The following PINX1 variants were observed in gnomAD, a reference collection of about 807,000 sequenced individuals.
PINX1 encodes the protein PIN2 (TERF1) interacting telomerase inhibitor 1, also known as PIN2/TERF1-interacting telomerase inhibitor 1.
Under a neutral mutation model 25.4 loss-of-function variants are expected in PINX1, and 34 were observed. That is an observed-to-expected ratio of 1.34 (90% confidence interval 1.02 to 1.78). PINX1 has a LOEUF of 1.78. PINX1 is among the 40% of genes most tolerant of loss of function. The pLI is 0.00. For synonymous variants in PINX1, 197 were observed against 147.7 expected (o/e 1.33, Z -2.42); for missense variants, 592 against 404.9 (o/e 1.46, Z -3.97).
intron 6 of PINX1, among the ~76,000 whole-genome samples, chr8:10,766,175 A>T (rs1191928398): frequency 6.6e-6 from 1 of 152,180 alleles, no homozygotes; most frequent in Non-Finnish European, 1.5e-5. Flanking sequence ...GTGGTAGATG[A>T]CAGGCAGAAG....
At chr8:10,781,283 G>T (rs934808211) in intron 6 of PINX1, among the ~76,000 whole-genome samples, 3 of 152,142 alleles carry the variant, frequency 2.0e-5, no homozygotes, top group Admixed American at 2.0e-4. Flanking sequence ...CCTTGACACT[G>T]CTTTTGGCAA....
intron 6 of PINX1, among the ~76,000 whole-genome samples, chr8:10,802,275 G>C (rs1442205273): frequency 6.6e-6 from 1 of 152,198 alleles, no homozygotes; most frequent in African/African-American, 2.4e-5. Flanking sequence ...CGCACCTGGG[G>C]AACAATTGCC....
At chr8:10,783,535 C>G (rs551466771) in intron 6 of PINX1, among the ~76,000 whole-genome samples, 4 of 152,328 alleles carry the variant, frequency 2.6e-5, no homozygotes, top group African/African-American at 9.6e-5. Flanking sequence ...CTTCCTTGAT[C>G]TCTGCAAGCT....
chr8:10,765,549 T>C lies in PINX1; in HGVS notation c.839A>G (p.His280Arg), dbSNP rs754844056. Residue 280 changes from histidine to arginine, a missense_variant, in exon 7 of 7, where the codon CAT (histidine) becomes CGT (arginine). Coordinates refer to ENST00000314787, the MANE Select transcript of PINX1 (RefSeq NM_017884.6). ...GTCCCGGCCCTCAGGCGGCTGCACA[T>C]GGTCCCCTGCATCCTGAGCAGAGGC... ...SKASAQDAGD[H>R]VQPPEGRDFT... The C allele has an allele frequency of 5.6e-6, 9 of 1,613,788 alleles. No homozygotes were observed. The South Asian group carries it at 7.7e-5, about 14-fold the overall frequency.
At position 10,820,186 on chromosome 8, in the gene PINX1, T is replaced by C; in HGVS notation, c.471+7A>G. The C allele has an allele frequency of 6.3e-7, 1 of 1,587,490 alleles. No homozygotes were observed. Among genetic ancestry groups the C allele is most frequent in the Non-Finnish European group, 8.6e-7 (1 of 1,156,102 alleles). On this transcript the variant is annotated splice_region_variant and intron_variant, in intron 6 of 6. Coordinates refer to ENST00000314787, the MANE Select transcript of PINX1 (RefSeq NM_017884.6). The stretch of plus-strand genomic sequence containing the variant: ...GCGGAACACGGAAACTGTACGTGGC[T>C]TTATACCTCGGGAGTCTTCTTACTC...
intron 6 of PINX1, among the ~76,000 whole-genome samples, chr8:10,815,658 C>T (rs1412941529): frequency 6.6e-6 from 1 of 152,092 alleles, no homozygotes; most frequent in Non-Finnish European, 1.5e-5. Context: ...GTGAGTGTAC[C>T]CTGAGATACT....
intron 6 of PINX1, among the ~76,000 whole-genome samples, chr8:10,777,467 G>C (rs561927387): frequency 6.6e-6 from 1 of 152,146 alleles, no homozygotes; most frequent in Non-Finnish European, 1.5e-5. Flanking sequence ...TTCTGTCCTC[G>C]GCACCTTATC....
chr8:10,824,765 G>C (rs752212559), intron 5 of PINX1, among the ~76,000 whole-genome samples: 1 of 152,196 alleles, frequency 6.6e-6, no homozygotes, highest in African/African-American at 2.4e-5. Flanking sequence ...CACATCATCC[G>C]AAAGTTACAG....
At chr8:10,783,167 T>C (rs1253661879) in intron 6 of PINX1, among the ~76,000 whole-genome samples, 1 of 152,250 alleles carries the variant, frequency 6.6e-6, no homozygotes, top group Non-Finnish European at 1.5e-5. Context: ...ATGACATTTA[T>C]GAACATTGAG....
At chr8:10,825,499 T>A (rs1210997359) in intron 5 of PINX1, 3 of 531,760 alleles carry the variant, frequency 5.6e-6, no homozygotes, top group Non-Finnish European at 1.2e-5. Flanking sequence ...TTCTTTCCAA[T>A]GCAAGATCGC....
chr8:10,798,869 C>T (rs1293333779), intron 6 of PINX1, among the ~76,000 whole-genome samples: 1 of 152,208 alleles, frequency 6.6e-6, no homozygotes, highest in Non-Finnish European at 1.5e-5. Flanking sequence ...GTGATTCTGC[C>T]AGCTTAGAAC....
At chr8:10,799,343 T>C (rs1433189858) in intron 6 of PINX1, among the ~76,000 whole-genome samples, 1 of 152,222 alleles carries the variant, frequency 6.6e-6, no homozygotes, top group Admixed American at 6.5e-5. Context: ...GTGTTTGCTG[T>C]TGCTTTTACA....
At chr8:10,802,754 G>C (rs903114368) in intron 6 of PINX1, among the ~76,000 whole-genome samples, 1 of 152,168 alleles carries the variant, frequency 6.6e-6, no homozygotes, top group African/African-American at 2.4e-5. Context: ...CCTCCAGGGT[G>C]GGGGATGGGG....
At chr8:10,815,768 C>G (rs549850410) in intron 6 of PINX1, among the ~76,000 whole-genome samples, 2 of 152,222 alleles carry the variant, frequency 1.3e-5, no homozygotes, top group South Asian at 4.2e-4. Flanking sequence ...TTAACATACC[C>G]CTGAAGTTAT....
At chr8:10,816,255 G>A (rs768209231) in intron 6 of PINX1, among the ~76,000 whole-genome samples, 6 of 152,204 alleles carry the variant, frequency 3.9e-5, no homozygotes, top group Non-Finnish European at 8.8e-5. Context: ...CTGTAGTTAC[G>A]TAAGATGTAA....
chr8:10,770,534 T>C (rs751624404), intron 6 of PINX1, among the ~76,000 whole-genome samples: 8 of 152,240 alleles, frequency 5.3e-5, no homozygotes, highest in Non-Finnish European at 1.2e-4. Flanking sequence ...ATCTGGAGAC[T>C]CTGCAGCTAC....
intron 6 of PINX1, among the ~76,000 whole-genome samples, chr8:10,790,588 C>T (rs369661149): frequency 9.9e-4 from 150 of 152,228 alleles, no homozygotes; most frequent in Middle Eastern, 3.4e-3. Context: ...CCCAGGGCCT[C>T]GACCTCCCAA....
chr8:10,769,054 T>A (rs1801145554), intron 6 of PINX1, among the ~76,000 whole-genome samples: 1 of 152,234 alleles, frequency 6.6e-6, no homozygotes, highest in African/African-American at 2.4e-5. Flanking sequence ...AATGTCTGTT[T>A]GCTAACTGTG....
intron 5 of PINX1, among the ~76,000 whole-genome samples, chr8:10,823,155 A>G (rs919055701): frequency 1.3e-5 from 2 of 152,194 alleles, no homozygotes; most frequent in African/African-American, 4.8e-5. Context: ...GCTCCTCACT[A>G]CCAGTGTGCA....
Sources: allele counts gnomAD v4.1 joint callset (sites outside exome capture counted in the v4.1 genomes callset), GRCh38; gene constraint gnomAD v4.1.1; transcripts MANE v1.5; gene names NCBI Gene and HGNC (gene_info 2026-07-23, HGNC 2026-07-21).